PRUNE2: variants seen among roughly 807,000 people sequenced by gnomAD.
PRUNE2 encodes prune homolog 2 with BCH domain, also known as protein prune homolog 2.
In PRUNE2, 164 loss-of-function variants were observed where a neutral mutation model predicts 252.0. That is an observed-to-expected ratio of 0.65 (90% CI 0.57 to 0.74). PRUNE2 has a LOEUF of 0.74. Ranked by LOEUF, PRUNE2 falls within the 30% of genes least tolerant of loss-of-function variation. The probability of loss-of-function intolerance (pLI) is 0.00; values close to 1 mark genes in which losing one functional copy is unlikely to be tolerated. For missense variants in PRUNE2, 3,495 were observed against 3,711.0 expected, an observed-to-expected ratio of 0.94 and a Z score of 1.51; for synonymous variants, 1,292 against 1,350.2, an observed-to-expected ratio of 0.96 and a Z score of 0.94.
rs918616481 is a variant in PRUNE2, at chr9:76,757,389, AT to A, written c.757-43669del. On this transcript the variant is annotated intron_variant, in intron 6 of 18. Transcript: ENST00000376718. ...CAAACTCAAAGAGAAGCTTTTTTTG[AT>A]TGCTTGGCTGCATTCTGAGTCATGT... Among the ~76,000 whole-genome samples the A allele has an allele frequency of 1.1e-4, 17 of 152,242 alleles. No individual in the cohort carries two copies. In the East Asian group the frequency reaches 1.2e-3, roughly 10 times the overall value.
chr9:76,655,557 CT>C (rs1414197017), intron 9 of PRUNE2, 55 bp from the exon 10 acceptor site: 4 of 1,341,880 alleles, frequency 3.0e-6, no homozygotes, highest in Non-Finnish European at 4.2e-6. Context: ...GACTTCATTT[CT>C]TTTGAAAAGG....
chr9:76,887,439 G>A (rs143830737), intron 1 of PRUNE2, among the ~76,000 whole-genome samples: 143 of 152,296 alleles, frequency 9.4e-4, no homozygotes, highest in African/African-American at 3.1e-3. Context: ...CTCTCACCAC[G>A]TAGCAGATTG....
chr9:76,761,616 T>C (rs926033081), intron 6 of PRUNE2, among the ~76,000 whole-genome samples: 1 of 152,234 alleles, frequency 6.6e-6, no homozygotes. Context: ...TCATGTTTTA[T>C]ACTTTAGACA....
rs112288741 is a variant in PRUNE2, at chr9:76,868,620, C to T, written c.37-14412G>A. ...TGTCTCTAAGACAAAGGACTTCTGC[C>T]CAGGGCAACAGCCAACTCACCTAGC... On this transcript the variant is annotated intron_variant, in intron 1 of 18. Transcript: ENST00000376718. Among the ~76,000 whole-genome samples the T allele has an allele frequency of 6.7e-3, 1,016 of 152,132 alleles. 3 individuals carry two copies. Among genetic ancestry groups the T allele is most frequent in the Middle Eastern group, 0.024 (7 of 294 alleles).
At chr9:76,620,747 T>TA (rs959689206) in intron 17 of PRUNE2, among the ~76,000 whole-genome samples, 38 of 152,054 alleles carry the variant, frequency 2.5e-4, no homozygotes, top group Middle Eastern at 3.4e-3. Flanking sequence ...GACAGCGTGC[T>TA]AAAAAAAACC....
At chr9:76,830,080 G>C (rs973711585) in intron 4 of PRUNE2, among the ~76,000 whole-genome samples, 1 of 152,034 alleles carries the variant, frequency 6.6e-6, no homozygotes, top group South Asian at 2.1e-4. Flanking sequence ...ACTTAATTTC[G>C]AACTCAAATG....
Position 76,705,339 on chromosome 9 carries a change from G to C in PRUNE2, c.6935C>G (p.Ser2312Cys), listed in dbSNP as rs2046235444. ...ACTCATGTCATCTATTGTTCCCGTGGATGTGTTGAGACCTGAGGCATCGCT... is the reference window on the plus strand; with the variant it reads ...ACTCATGTCATCTATTGTTCCCGTGCATGTGTTGAGACCTGAGGCATCGCT... ...SFSDASGLNT[S>C]TGTIDDMSKL... is the part of the protein sequence containing the mutation. The change falls in exon 8 of 19, where the codon TCC becomes TGC. Residue 2312 changes from serine (S) to cysteine (C), a missense_variant. Ser to Cys is a moderately radical substitution (Grantham distance 112). Transcript: ENST00000376718. 1 of 1,613,888 alleles carries C rather than the reference G, an allele frequency of 6.2e-7. No individual in the cohort carries two copies. Among genetic ancestry groups the C allele is most frequent in the East Asian group, 2.2e-5 (1 of 44,898 alleles).
chr9:76,890,593 C>T (rs1371136762), intron 1 of PRUNE2, among the ~76,000 whole-genome samples: 1 of 152,202 alleles, frequency 6.6e-6, no homozygotes, highest in Non-Finnish European at 1.5e-5. Context: ...AACAACTATG[C>T]AGATCACATC....
intron 1 of PRUNE2, among the ~76,000 whole-genome samples, chr9:76,888,895 T>C (rs575598736): frequency 2.6e-5 from 4 of 152,244 alleles, no homozygotes; most frequent in Admixed American, 2.6e-4. Flanking sequence ...CAGGCTGAAG[T>C]GCAGTGGCAT....
At chr9:76,617,175 CTG>C (rs1292797201) in intron 18 of PRUNE2, among the ~76,000 whole-genome samples, 3 of 152,152 alleles carry the variant, frequency 2.0e-5, no homozygotes, top group African/African-American at 7.2e-5. Context: ...TCCTTACAAA[CTG>C]TCAGACAATA....
intron 1 of PRUNE2, among the ~76,000 whole-genome samples, chr9:76,902,580 CCTA>C: frequency 6.6e-6 from 1 of 152,282 alleles, no homozygotes; most frequent in South Asian, 2.1e-4. Context: ...GATTGCTTAT[CCTA>C]CTGTTATTAT....
At position 76,851,933 on chromosome 9, in the gene PRUNE2, G is replaced by C. The variant is rs2059984247; in HGVS notation, c.142-1268C>G. On this transcript the variant is annotated intron_variant, in intron 2 of 18. Coordinates refer to ENST00000376718, the MANE Select transcript of PRUNE2 (RefSeq NM_015225.3). ...CAGCAATAATCCTAACTATCAATGA[G>C]AGAATGTGGGGTTCAGTGACATGGA... Among the ~76,000 whole-genome samples the C allele has an allele frequency of 2.6e-5, 4 of 152,154 alleles. No individual in the cohort carries two copies. In the South Asian group the frequency reaches 8.3e-4, roughly 32 times the overall value.
chr9:76,826,826 C>T (rs1589430725), intron 4 of PRUNE2, 94 bp from the exon 5 acceptor site: 1 of 1,034,458 alleles, frequency 9.7e-7, no homozygotes, highest in Non-Finnish European at 1.4e-6. Context: ...TCAATCTAAG[C>T]TTTCCATTTC....
chr9:76,873,361 G>A (rs904594185), intron 1 of PRUNE2, among the ~76,000 whole-genome samples: 3 of 152,074 alleles, frequency 2.0e-5, no homozygotes, highest in Admixed American at 1.3e-4. Flanking sequence ...CTTGTATATA[G>A]TCTCAGAAAT....
chr9:76,705,746 G>A lies in PRUNE2; in HGVS notation c.6528C>T (p.Asp2176=). 1.2e-6 allele frequency: 2 copies of A among 1,613,986 alleles called. No homozygotes were observed. The highest frequency in any genetic ancestry group is 1.7e-6 in the Non-Finnish European group (2 of 1,179,896). The change falls in exon 8 of 19, where the codon GAC becomes GAT. Residue 2176 remains aspartate (D), a synonymous_variant. Transcript: ENST00000376718. ...TVLPPIGYQA[D]IKGSSQPASH... is the part of the protein sequence containing the mutation. ...AGGCGGGCTGAGAGGAGCCCTTTATGTCTGCTTGATAGCCAATTGGAGGCA... is the reference window on the plus strand; with the variant it reads ...AGGCGGGCTGAGAGGAGCCCTTTATATCTGCTTGATAGCCAATTGGAGGCA...
intron 6 of PRUNE2, among the ~76,000 whole-genome samples, chr9:76,799,529 G>A (rs11145074): frequency 6.6e-6 from 1 of 152,026 alleles, no homozygotes; most frequent in Non-Finnish European, 1.5e-5. Flanking sequence ...TGTGCATGGT[G>A]GGGGAAAGAG....
intron 12 of PRUNE2, among the ~76,000 whole-genome samples, chr9:76,641,744 C>A (rs963206104): frequency 6.6e-6 from 1 of 151,976 alleles, no homozygotes; most frequent in East Asian, 1.9e-4. Flanking sequence ...GCAACCCCCC[C>A]CCAGGAGTCT....
chr9:76,729,949 G>A (rs532776467), intron 6 of PRUNE2, among the ~76,000 whole-genome samples: 1 of 152,202 alleles, frequency 6.6e-6, no homozygotes, highest in African/African-American at 2.4e-5. Flanking sequence ...ATTTTTTATA[G>A]CTGTATTATC....
chr9:76,794,488 G>A (rs112549731), intron 6 of PRUNE2, among the ~76,000 whole-genome samples: 5,102 of 151,766 alleles, frequency 0.034, 91 homozygotes, highest in East Asian at 0.08. Context: ...AGTGGCCGGC[G>A]CCTGTAGTCC....
Sources: gnomAD v4.1 joint callset for allele counts (sites outside exome capture counted in the v4.1 genomes callset) on GRCh38, gnomAD v4.1.1 for gene constraint, MANE v1.5 for transcripts, NCBI Gene and HGNC (gene_info 2026-07-23, HGNC 2026-07-21) for gene names.